The following HSPA12A variants were observed in gnomAD, a reference collection of about 807,000 sequenced individuals.
HSPA12A encodes the protein heat shock protein family A (Hsp70) member 12A.
Under a neutral mutation model 69.2 loss-of-function variants are expected in HSPA12A, and 28 were observed. The observed-to-expected ratio is 0.40, with a 90% CI of 0.30 to 0.55. HSPA12A has a LOEUF of 0.55. Among genes scored for constraint, HSPA12A ranks in the 20% least tolerant of loss-of-function variants. HSPA12A has a pLI of 0.38. For synonymous variants in HSPA12A, 345 were observed against 370.5 expected (o/e 0.93, Z 0.79); for missense variants, 686 against 900.7 (o/e 0.76, Z 3.05).
chr10:116,713,992 TTGGATGGA>T (rs1175901639), intron 1 of HSPA12A, among the ~76,000 whole-genome samples: 3 of 151,266 alleles, frequency 2.0e-5, no homozygotes, highest in Non-Finnish European at 4.4e-5. Context: ...GCACTCAATG[TTGGATGGA>T]TGGATGGATG....
At chr10:116,715,680 A>G (rs569970614) in intron 1 of HSPA12A, among the ~76,000 whole-genome samples, 1 of 152,316 alleles carries the variant, frequency 6.6e-6, no homozygotes, top group South Asian at 2.1e-4. Context: ...AATAATTGTG[A>G]TTTGAATGTG....
chr10:116,692,301 A>G, intron 6 of HSPA12A, 50 bp downstream of exon 6: 1 of 1,446,538 alleles, frequency 6.9e-7, no homozygotes, highest in Non-Finnish European at 9.7e-7. Flanking sequence ...CACCCTGGAC[A>G]TCTTGAGTCC....
At chr10:116,838,420 C>T (rs1351016029) in intron 1 of HSPA12A, among the ~76,000 whole-genome samples, 1 of 151,130 alleles carries the variant, frequency 6.6e-6, no homozygotes, top group Non-Finnish European at 1.5e-5. Context: ...CACCATATTT[C>T]TGGAGGGGGG....
intron 7 of HSPA12A, among the ~76,000 whole-genome samples, chr10:116,682,245 G>A (rs1312373246): frequency 1.4e-4 from 21 of 152,322 alleles, no homozygotes; most frequent in Admixed American, 1.3e-3. Flanking sequence ...GTGACAGAGC[G>A]AGACTCTCAA....
chr10:116,787,791 G>C (rs1589706399), intron 2 of HSPA12A, among the ~76,000 whole-genome samples: 1 of 152,170 alleles, frequency 6.6e-6, no homozygotes, highest in Non-Finnish European at 1.5e-5. Flanking sequence ...GAGAGTGCCT[G>C]GCAGCCGCTT....
chr10:116,694,715 G>A (rs1849836112), intron 5 of HSPA12A, among the ~76,000 whole-genome samples: 1 of 152,064 alleles, frequency 6.6e-6, no homozygotes, highest in Non-Finnish European at 1.5e-5. Context: ...CACCTGCCTC[G>A]GTGCCCACAG....
chr10:116,740,409 T>C (rs1368972790), intron 1 of HSPA12A, among the ~76,000 whole-genome samples: 1 of 152,120 alleles, frequency 6.6e-6, no homozygotes, highest in Admixed American at 6.5e-5. Context: ...ATTTTACAGA[T>C]AAAGGGAGAG....
intron 1 of HSPA12A, among the ~76,000 whole-genome samples, chr10:116,738,671 C>A (rs1851385840): frequency 6.6e-6 from 1 of 152,118 alleles, no homozygotes; most frequent in South Asian, 2.1e-4. Context: ...CCATTAAGTA[C>A]CGAAGGCTTT....
chr10:116,674,829 T>A lies in HSPA12A; in HGVS notation c.1980A>T (p.Ile660=). Residue 660 remains isoleucine (I), a synonymous_variant, in exon 12 of 12, where the codon ATA becomes ATT. Transcript: ENST00000369209. ...DTEIKATAID[I]ATSKSVKVGI... ...CAACTTTGACACTCTTCGAAGTGGC[T>A]ATATCAATGGCTGTGGCTTTGATCT... The A allele has an allele frequency of 6.2e-7, 1 of 1,613,340 alleles. No homozygotes were observed. Among genetic ancestry groups the A allele is most frequent in the Non-Finnish European group, 8.5e-7 (1 of 1,179,962 alleles).
In HSPA12A at chr10:116,697,991, G is replaced by T. The variant is rs78844671; in HGVS notation, c.546+644C>A. Among the ~76,000 whole-genome samples, 1,011 of 152,234 alleles carry T rather than the reference G, an allele frequency of 6.6e-3. 12 individuals carry two copies. Among genetic ancestry groups the T allele is most frequent in the African/African-American group, 0.023 (960 of 41,538 alleles). On this transcript the variant is annotated intron_variant, in intron 5 of 11. Transcript: ENST00000369209. ...TGGCGTTTTCAAGGTTTCTCCATGT[G>T]GTAGGATGTATCAGTAGTTCATCCT...
chr10:116,805,240 C>T (rs925195119), intron 2 of HSPA12A, among the ~76,000 whole-genome samples: 10 of 152,142 alleles, frequency 6.6e-5, no homozygotes, highest in South Asian at 2.1e-4. Context: ...GGCGTGAACC[C>T]GGGAGGCGGA....
chr10:116,683,831 C>T lies in HSPA12A; in HGVS notation c.795G>A (p.Gly265=), dbSNP rs202216924. The change falls in exon 7 of 12, where the codon GGG becomes GGA. Residue 265 remains glycine (G), a synonymous_variant. Coordinates refer to ENST00000369209, the MANE Select transcript of HSPA12A (RefSeq NM_025015.3). ...IELSSKAAVN[G]YSGSDTVGAG... is the part of the protein sequence containing the mutation. The stretch of plus-strand genomic sequence containing the variant: ...CTCCTACTGTGTCACTGCCGCTGTA[C>T]CCATTGACGGCTGCCTTGCTGCTCA... The T allele has an allele frequency of 9.5e-5, 151 of 1,593,374 alleles. No homozygotes were observed. The African/African-American group carries it at 1.8e-3, about 19-fold the overall frequency.
chr10:116,677,918 T>TC (rs1339769118), intron 10 of HSPA12A, among the ~76,000 whole-genome samples: 1 of 152,014 alleles, frequency 6.6e-6, no homozygotes, highest in Non-Finnish European at 1.5e-5. Flanking sequence ...CTAATGATAC[T>TC]CCCCCTCATG....
chr10:116,700,800 C>T, intron 4 of HSPA12A, 143 bp downstream of exon 4: 3 of 727,618 alleles, frequency 4.1e-6, no homozygotes, highest in Non-Finnish European at 7.0e-6. Context: ...TGTCTAAAAT[C>T]AAGGTAAATG....
At chr10:116,785,651 G>A (rs560683116) in intron 2 of HSPA12A, among the ~76,000 whole-genome samples, 1 of 152,226 alleles carries the variant, frequency 6.6e-6, no homozygotes, top group East Asian at 1.9e-4. Context: ...GCATGCTGCT[G>A]TTCATGATCC....
intron 2 of HSPA12A, among the ~76,000 whole-genome samples, chr10:116,789,663 G>C (rs1307805332): frequency 6.6e-6 from 1 of 152,150 alleles, no homozygotes; most frequent in East Asian, 1.9e-4. Context: ...TAAATTCCTA[G>C]GCATGGAATT....
chr10:116,782,779 T>G (rs782124488), intron 2 of HSPA12A, among the ~76,000 whole-genome samples: 1 of 152,126 alleles, frequency 6.6e-6, no homozygotes, highest in African/African-American at 2.4e-5. Flanking sequence ...CCAAGGCTTG[T>G]GCAAGTAGAT....
At chr10:116,726,969 A>T (rs879993559) in intron 1 of HSPA12A, among the ~76,000 whole-genome samples, 55 of 152,212 alleles carry the variant, frequency 3.6e-4, no homozygotes, top group African/African-American at 1.3e-3. Context: ...CAAGACACTT[A>T]TGTTTTCTAA....
intron 1 of HSPA12A, chr10:116,835,055 A>C (rs1845684422): frequency 8.3e-7 from 1 of 1,204,520 alleles, no homozygotes; most frequent in African/African-American, 1.6e-5. Flanking sequence ...TGCACTGTGA[A>C]AATGTCGATT....
Sources: gnomAD v4.1 joint callset for allele counts (sites outside exome capture counted in the v4.1 genomes callset) on GRCh38, gnomAD v4.1.1 for gene constraint, MANE v1.5 for transcripts, NCBI Gene and HGNC (gene_info 2026-07-23, HGNC 2026-07-21) for gene names.